Variants in TMCC1 observed in about 807,000 individuals in gnomAD.
TMCC1 encodes transmembrane and coiled-coil domain family 1, also known as transmembrane and coiled-coil domains protein 1.
TMCC1 carries 15 observed loss-of-function variants against 52.4 expected under a neutral mutation model. That is an observed-to-expected ratio of 0.29 (90% CI 0.19 to 0.44). The LOEUF is 0.44. Ranked by LOEUF, TMCC1 falls within the 20% of genes least tolerant of loss-of-function variation. The pLI is 1.00. For missense variants in TMCC1, 503 were observed against 806.0 expected (o/e 0.62, Z 4.55); for synonymous variants, 279 against 301.9 (o/e 0.92, Z 0.79).
At chr3:129,731,895 G>C (rs1355734813) in intron 4 of TMCC1, among the ~76,000 whole-genome samples, 1 of 151,450 alleles carries the variant, frequency 6.6e-6, no homozygotes, top group Non-Finnish European at 1.5e-5. Context: ...AAAGGTCTGG[G>C]ATTACAGGTG....
intron 2 of TMCC1, among the ~76,000 whole-genome samples, chr3:129,872,396 A>G (rs1044699650): frequency 8.5e-5 from 13 of 152,196 alleles, no homozygotes; most frequent in Admixed American, 7.2e-4. Context: ...ACAAATTCTC[A>G]GGCCCTACTC....
At chr3:129,680,012 T>G (rs916423994) in intron 4 of TMCC1, among the ~76,000 whole-genome samples, 8 of 152,208 alleles carry the variant, frequency 5.3e-5, no homozygotes, top group Admixed American at 2.6e-4. Flanking sequence ...GAGATTGACT[T>G]TTAAAAGCTT....
Position 129,732,931 on chromosome 3 carries a change from T to C in TMCC1, c.577-61667A>G, listed in dbSNP as rs143719282. Among the ~76,000 whole-genome samples the C allele has an allele frequency of 4.8e-3, 728 of 152,346 alleles. 3 individuals carry two copies. The highest frequency in any genetic ancestry group is 0.016 in the African/African-American group (681 of 41,574). ...TTGAACCAGAACTGAAGGCTTCTCC[T>C]AGAGTTCTCTTATCCACATTAATGT... On this transcript the variant is annotated intron_variant, in intron 4 of 6. Transcript: ENST00000393238.
At chr3:129,701,952 ATTC>A (rs1490085537) in intron 4 of TMCC1, among the ~76,000 whole-genome samples, 14 of 152,190 alleles carry the variant, frequency 9.2e-5, no homozygotes, top group Admixed American at 3.3e-4. Flanking sequence ...GATTCACCTG[ATTC>A]TTGTTTTTTA....
rs2086156847 is a variant in TMCC1, at chr3:129,648,653, T to C, written c.*2828A>G. On this transcript the variant is annotated 3_prime_UTR_variant, in exon 7 of 7. Coordinates refer to ENST00000393238, the MANE Select transcript of TMCC1 (RefSeq NM_001017395.5). ...GAGGCATGGACAAATAAACCAGGAA[T>C]GTTTCATTTTAAAGGGAATGAATAC... The C allele has an allele frequency of 6.6e-6, 1 of 151,826 alleles. No homozygotes were observed. The allele number at this position is 151,826 out of a possible 1,614,324, so 9.4% of individuals were successfully genotyped here.
chr3:129,669,356 C>A (rs1040907607), intron 5 of TMCC1, among the ~76,000 whole-genome samples: 2 of 152,164 alleles, frequency 1.3e-5, no homozygotes, highest in Non-Finnish European at 2.9e-5. Flanking sequence ...ACCTGTAGCT[C>A]CCATAAGACT....
chr3:129,876,953 T>C (rs988172632), intron 2 of TMCC1, among the ~76,000 whole-genome samples: 1 of 152,066 alleles, frequency 6.6e-6, no homozygotes, highest in African/African-American at 2.4e-5. Context: ...CGAGACTCCA[T>C]CTCAAAATAA....
intron 5 of TMCC1, among the ~76,000 whole-genome samples, chr3:129,663,839 T>A (rs73863690): frequency 0.012 from 1,878 of 152,284 alleles, 29 homozygotes; most frequent in African/African-American, 0.043. Flanking sequence ...GAGCTCCTAC[T>A]CTAAACCAAA....
intron 2 of TMCC1, among the ~76,000 whole-genome samples, chr3:129,842,210 A>C (rs2059449319): frequency 6.6e-6 from 1 of 152,184 alleles, no homozygotes; most frequent in South Asian, 2.1e-4. Context: ...TCACCGTGGT[A>C]ATCTCAGCAC....
At chr3:129,835,891 C>T (rs905931733) in intron 2 of TMCC1, among the ~76,000 whole-genome samples, 6 of 152,022 alleles carry the variant, frequency 3.9e-5, no homozygotes, top group Non-Finnish European at 8.8e-5. Flanking sequence ...CATATTTAAG[C>T]AGCAAAATAT....
chr3:129,655,230 G>T, intron 5 of TMCC1, 127 bp from the exon 6 acceptor site: 1 of 1,175,672 alleles, frequency 8.5e-7, no homozygotes, highest in South Asian at 1.6e-5. Context: ...AGTGGCCTGG[G>T]TTAACAGGGT....
At chr3:129,742,362 A>G (rs1001964365) in intron 4 of TMCC1, among the ~76,000 whole-genome samples, 2 of 152,138 alleles carry the variant, frequency 1.3e-5, no homozygotes, top group Non-Finnish European at 2.9e-5. Flanking sequence ...ATAAAAAATT[A>G]TAAGTCAAAA....
intron 4 of TMCC1, among the ~76,000 whole-genome samples, chr3:129,717,229 T>A (rs1020135320): frequency 6.6e-6 from 1 of 152,226 alleles, no homozygotes; most frequent in Non-Finnish European, 1.5e-5. Context: ...AAAGTTTCTG[T>A]TGAGGTGACC....
intron 2 of TMCC1, among the ~76,000 whole-genome samples, chr3:129,846,810 C>A (rs2059684532): frequency 6.9e-6 from 1 of 143,958 alleles, no homozygotes; most frequent in Non-Finnish European, 1.5e-5. Flanking sequence ...AGGAGGATCA[C>A]TTGAGCCCAG....
Position 129,687,634 on chromosome 3 carries a change from T to C in TMCC1, c.577-16370A>G, listed in dbSNP as rs568992599. On this transcript the variant is annotated intron_variant, in intron 4 of 6. Transcript: ENST00000393238. The stretch of plus-strand genomic sequence containing the variant: ...TATACAAAAGAGAACATAAAAGAGA[T>C]TCAGTCATAGTAGAGGCAAAGAGAT... Among the ~76,000 whole-genome samples the C allele has an allele frequency of 6.6e-5, 10 of 152,172 alleles. No individual in the cohort carries two copies. The South Asian group carries it at 2.1e-3, about 32-fold the overall frequency.
At chr3:129,746,092 G>C (rs898338370) in intron 4 of TMCC1, among the ~76,000 whole-genome samples, 1 of 150,988 alleles carries the variant, frequency 6.6e-6, no homozygotes, top group Non-Finnish European at 1.5e-5. Flanking sequence ...TTAAATCCTT[G>C]CAAGGAGGGG....
At chr3:129,704,304 AG>A (rs1205739973) in intron 4 of TMCC1, among the ~76,000 whole-genome samples, 2 of 152,260 alleles carry the variant, frequency 1.3e-5, no homozygotes, top group East Asian at 3.8e-4. Context: ...TTCCAGAGAC[AG>A]TTCTATAACC....
chr3:129,694,147 C>T (rs1225535151), intron 4 of TMCC1, among the ~76,000 whole-genome samples: 1 of 152,194 alleles, frequency 6.6e-6, no homozygotes, highest in East Asian at 1.9e-4. Context: ...ATAGGTACCA[C>T]AGGTGAAATC....
chr3:129,747,333 T>C (rs1274567255), intron 4 of TMCC1, among the ~76,000 whole-genome samples: 1 of 152,094 alleles, frequency 6.6e-6, no homozygotes, highest in East Asian at 1.9e-4. Context: ...CCATGGACCA[T>C]ATGGTTCTTT....
Sources: allele counts gnomAD v4.1 joint callset (sites outside exome capture counted in the v4.1 genomes callset), GRCh38; gene constraint gnomAD v4.1.1; transcripts MANE v1.5; gene names NCBI Gene and HGNC (gene_info 2026-07-23, HGNC 2026-07-21).